Variants in CREB3L3 observed in about 807,000 individuals in gnomAD.
CREB3L3 encodes cyclic AMP-responsive element-binding protein 3-like protein 3.
CREB3L3 carries 40 observed loss-of-function variants against 44.6 expected under a neutral mutation model. The ratio of observed to expected loss-of-function variants is 0.90; its 90% CI spans 0.70 to 1.17. The LOEUF is 1.17. Among genes scored for constraint, CREB3L3 ranks in the 50% most tolerant of loss-of-function variants. The pLI is 0.00. For synonymous variants in CREB3L3, 273 were observed against 256.3 expected, an observed-to-expected ratio of 1.06 and a Z score of -0.62; for missense variants, 578 against 595.8, an observed-to-expected ratio of 0.97 and a Z score of 0.31.
rs1465615177 is a variant in CREB3L3 at position 4,171,651 on chromosome 19, A to G, written c.1073-5A>G. 5.6e-6 allele frequency: 9 copies of G among 1,613,102 alleles called. No individual in the cohort carries two copies. The highest frequency in any genetic ancestry group is 2.2e-5 in the East Asian group (1 of 44,882). On this transcript the variant is annotated splice_region_variant and splice_polypyrimidine_tract_variant and intron_variant, in intron 9 of 9. Coordinates refer to ENST00000078445, the MANE Select transcript of CREB3L3 (RefSeq NM_032607.3). This position sits in a 1 kb window ranked among gnomAD's most constrained non-coding sequence, Gnocchi z 4.9. Reference sequence around the variant, plus strand: ...TCCCCTGTGATGCCCCCCTTCCCCAATCAGTGTTCTCCAGAACTTTGCACA... The same window carrying G: ...TCCCCTGTGATGCCCCCCTTCCCCAGTCAGTGTTCTCCAGAACTTTGCACA...
At chr19:4,167,973 T>TTTTAATTATTTTA (rs1555704036) in intron 5 of CREB3L3, among the ~76,000 whole-genome samples, 1 of 144,848 alleles carries the variant, frequency 6.9e-6, no homozygotes, top group African/African-American at 2.6e-5. Flanking sequence ...ATTTTAATTA[T>TTTTAATTATTTTA]TTTATTTATT....
chr19:4,170,692 A>G (rs1599346744), intron 7 of CREB3L3, among the ~76,000 whole-genome samples: 1 of 150,896 alleles, frequency 6.6e-6, no homozygotes, highest in South Asian at 2.1e-4. Flanking sequence ...GGCGGATCAC[A>G]AGGTCGGGAG....
At chr19:4,156,934 A>T (rs1433593239) in intron 2 of CREB3L3, 61 bp from the exon 3 acceptor site, 2 of 1,570,508 alleles carry the variant, frequency 1.3e-6, no homozygotes, top group Non-Finnish European at 1.8e-6. Flanking sequence ...CTGGGGCCAC[A>T]CACTAATCTA....
chr19:4,153,756 G>C lies in CREB3L3; in HGVS notation c.9G>C (p.Thr3=). 1 of 1,614,112 alleles carries C rather than the reference G, an allele frequency of 6.2e-7. No homozygotes were observed. Among genetic ancestry groups the C allele is most frequent in the Non-Finnish European group, 8.5e-7 (1 of 1,180,034 alleles). ...CAGAACTGGATGGACCCATGAATACGGATTTAGCTGCTGGAAAGGTGAGCC... is the reference window on the plus strand; with the variant it reads ...CAGAACTGGATGGACCCATGAATACCGATTTAGCTGCTGGAAAGGTGAGCC... MN[T]DLAAGKMASA... is the part of the protein sequence containing the mutation. Residue 3 remains threonine (T), a synonymous_variant, in exon 1 of 10, where the codon ACG becomes ACC. Coordinates refer to ENST00000078445, the MANE Select transcript of CREB3L3 (RefSeq NM_032607.3).
chr19:4,163,807 CTT>C (rs201891215), intron 4 of CREB3L3, among the ~76,000 whole-genome samples: 7 of 134,196 alleles, frequency 5.2e-5, no homozygotes, highest in Non-Finnish European at 4.8e-5. Flanking sequence ...GCCACCTTTT[CTT>C]TTTTTTTTTT....
intron 4 of CREB3L3, among the ~76,000 whole-genome samples, chr19:4,163,744 C>A (rs552883890): frequency 7.8e-4 from 119 of 151,624 alleles, no homozygotes; most frequent in Middle Eastern, 3.5e-3. Context: ...AACTCCTGAC[C>A]TCAAGTGATC....
In CREB3L3 at chr19:4,172,138, C is replaced by T; in HGVS notation, c.*169C>T. On this transcript the variant is annotated 3_prime_UTR_variant, in exon 10 of 10. Coordinates refer to ENST00000078445, the MANE Select transcript of CREB3L3 (RefSeq NM_032607.3). ...ACACACCCAGGGCCTGACTGAGGCC[C>T]ACGCAGGAACCGACACTCAGACACA... The T allele has an allele frequency of 1.4e-6, 1 of 718,598 alleles. No individual in the cohort carries two copies. Among genetic ancestry groups the T allele is most frequent in the South Asian group, 1.9e-5 (1 of 52,158 alleles). The allele number at this position is 718,598 out of a possible 1,614,324, so 44.5% of individuals were successfully genotyped here.
chr19:4,157,915 G>C (rs190148603), intron 3 of CREB3L3, among the ~76,000 whole-genome samples: 2 of 151,910 alleles, frequency 1.3e-5, no homozygotes, highest in African/African-American at 4.8e-5. Flanking sequence ...GAACTCCTGA[G>C]CTCAGGTGAT....
At chr19:4,166,177 C>T (rs554007048) in intron 5 of CREB3L3, among the ~76,000 whole-genome samples, 1 of 151,698 alleles carries the variant, frequency 6.6e-6, no homozygotes, top group Non-Finnish European at 1.5e-5. Flanking sequence ...CAACTTCCCC[C>T]TCTGGAGTAC....
Position 4,156,942 on chromosome 19 carries a change from C to G in CREB3L3, c.157-53C>G, listed in dbSNP as rs10426090. The G allele has an allele frequency of 4.8e-3, 7,682 of 1,592,212 alleles. 336 individuals carry two copies. In the African/African-American group the frequency reaches 0.092, roughly 19 times the overall value. On this transcript the variant is annotated intron_variant, in intron 2 of 9. Coordinates refer to ENST00000078445, the MANE Select transcript of CREB3L3 (RefSeq NM_032607.3). ...GGTTTCCCTGGGGCCACACACTAAT[C>G]TAAAAAGAGTGAGCACTTCCTAATT...
chr19:4,164,707 C>T (rs563075750), intron 5 of CREB3L3, 67 bp downstream of exon 5: 2 of 1,551,040 alleles, frequency 1.3e-6, no homozygotes, highest in East Asian at 2.3e-5. Context: ...CATGTGTGTC[C>T]CACCTTTATT....
At chr19:4,169,792 T>A (rs906698050) in intron 6 of CREB3L3, among the ~76,000 whole-genome samples, 1 of 151,728 alleles carries the variant, frequency 6.6e-6, no homozygotes, top group Non-Finnish European at 1.5e-5. Flanking sequence ...ACAGGCAGGG[T>A]TTCACCATGT....
chr19:4,153,862 A>AC (rs1393331208), intron 1 of CREB3L3, 88 bp downstream of exon 1: 2 of 1,402,052 alleles, frequency 1.4e-6, no homozygotes, highest in Non-Finnish European at 2.0e-6. Context: ...CCCCATCTCC[A>AC]CCCCTATTGT....
At chr19:4,170,780 G>A (rs1020008728) in intron 7 of CREB3L3, among the ~76,000 whole-genome samples, 3 of 151,642 alleles carry the variant, frequency 2.0e-5, no homozygotes, top group Admixed American at 2.0e-4. Flanking sequence ...GTGTGGTGGT[G>A]GGCGCCTGTA....
Position 4,155,158 on chromosome 19 carries a change from C to T in CREB3L3, c.156+131C>T, listed in dbSNP as rs943835539. 1.4e-5 allele frequency: 16 copies of T among 1,157,572 alleles called. No individual in the cohort carries two copies. The Admixed American group carries it at 1.8e-4, about 13-fold the overall frequency. 71.7% of individuals were successfully genotyped at this position (1,157,572 alleles called of 1,614,324 possible). A position where few individuals can be genotyped will look rare whatever the true frequency, so the allele number is the denominator to read the frequency against. On this transcript the variant is annotated intron_variant, in intron 2 of 9. Transcript: ENST00000078445. ...AGCTCTACGATGCACTAATGGGTCA[C>T]GGTGCTTGATTTTAGCCAAGCACAT...
chr19:4,166,556 G>T (rs548552583), intron 5 of CREB3L3, among the ~76,000 whole-genome samples: 1 of 146,756 alleles, frequency 6.8e-6, no homozygotes, highest in Non-Finnish European at 1.5e-5. Flanking sequence ...GAGCCACTGC[G>T]CCCAGCATTT....
chr19:4,154,834 TG>T (rs770883672), intron 1 of CREB3L3, 64 bp from the exon 2 acceptor site: 184 of 1,610,376 alleles, frequency 1.1e-4, no homozygotes, highest in Non-Finnish European at 1.5e-4. Flanking sequence ...CAGGGTTATG[TG>T]CACATGGGAG....
chr19:4,156,910 G>A (rs2041588363), intron 2 of CREB3L3, 85 bp from the exon 3 acceptor site: 1 of 1,413,476 alleles, frequency 7.1e-7, no homozygotes. Context: ...GCCCAAAGAG[G>A]GTCACTGGTT....
intron 1 of CREB3L3, among the ~76,000 whole-genome samples, chr19:4,154,288 T>C (rs986872509): frequency 9.2e-5 from 14 of 152,180 alleles, no homozygotes; most frequent in African/African-American, 3.1e-4. Context: ...GCTAGGCTGG[T>C]CTCAAACTCC....
Sources: allele counts gnomAD v4.1 joint callset (sites outside exome capture counted in the v4.1 genomes callset), GRCh38; gene constraint gnomAD v4.1.1; non-coding constraint Gnocchi (gnomAD v3.1); transcripts MANE v1.5; gene names NCBI Gene and HGNC (gene_info 2026-07-23, HGNC 2026-07-21).